PLD5: variants seen among roughly 807,000 people sequenced by gnomAD.
PLD5 encodes the protein inactive phospholipase D5.
A neutral mutation model predicts 61.1 loss-of-function variants in PLD5; 36 were observed. That is an observed-to-expected ratio of 0.59 (90% confidence interval 0.45 to 0.78). The LOEUF (loss-of-function observed/expected upper bound fraction) is 0.78, where lower values mean the gene tolerates loss of function less well. Among genes scored for constraint, PLD5 ranks in the 30% least tolerant of loss-of-function variants. The probability of loss-of-function intolerance (pLI) is 0.00; values close to 1 mark genes in which losing one functional copy is unlikely to be tolerated. For missense variants in PLD5, 515 were observed against 644.4 expected (o/e 0.80, Z 2.17); for synonymous variants, 243 against 242.8 (o/e 1.00, Z -0.01).
intron 1 of PLD5, among the ~76,000 whole-genome samples, chr1:242,375,861 A>AT (rs1206888068): frequency 3.9e-5 from 6 of 152,134 alleles, no homozygotes; most frequent in African/African-American, 1.4e-4. Flanking sequence ...GGCTGCATTG[A>AT]TAAGTCGGTG....
At chr1:242,132,801 A>G (rs946745256) in intron 5 of PLD5, among the ~76,000 whole-genome samples, 2 of 152,208 alleles carry the variant, frequency 1.3e-5, no homozygotes, top group African/African-American at 2.4e-5. Context: ...CAGAAGGAAC[A>G]TGACTAATTG....
At chr1:242,347,836 C>T (rs1203122497) in intron 2 of PLD5, among the ~76,000 whole-genome samples, 3 of 152,162 alleles carry the variant, frequency 2.0e-5, no homozygotes, top group African/African-American at 7.2e-5. Flanking sequence ...ACCTCATATA[C>T]AGTGGTCTCC....
intron 1 of PLD5, among the ~76,000 whole-genome samples, chr1:242,485,743 G>A (rs1667938217): frequency 6.6e-6 from 1 of 152,278 alleles, no homozygotes; most frequent in African/African-American, 2.4e-5. Flanking sequence ...CCAAAAAAGA[G>A]CTCGCATTGC....
In PLD5 at chr1:242,230,615, A is replaced by G. The variant is rs140718849; in HGVS notation, c.608-10500T>C. Among the ~76,000 whole-genome samples the G allele has an allele frequency of 3.9e-3, 588 of 152,350 alleles. 5 individuals are homozygous for G. The highest frequency in any genetic ancestry group is 7.6e-3 in the Admixed American group (116 of 15,306). On this transcript the variant is annotated intron_variant, in intron 4 of 9. Coordinates refer to ENST00000536534, the MANE Select transcript of PLD5 (RefSeq NM_001372062.1). The stretch of plus-strand genomic sequence containing the variant: ...GCTAGAAGACTAACGGGGAAACATG[A>G]AAGGGTGAAAATCTTCTGTCATGAC...
intron 1 of PLD5, among the ~76,000 whole-genome samples, chr1:242,380,352 G>A (rs1249465951): frequency 2.6e-5 from 4 of 152,082 alleles, no homozygotes; most frequent in South Asian, 2.1e-4. Context: ...TTTATGGCAC[G>A]ACAAGGTGTT....
intron 2 of PLD5, among the ~76,000 whole-genome samples, chr1:242,318,843 A>T (rs886252974): frequency 7.2e-5 from 11 of 152,122 alleles, no homozygotes; most frequent in Non-Finnish European, 5.9e-5. Context: ...AGGGGGAACA[A>T]GAAGAGAAAA....
intron 1 of PLD5, among the ~76,000 whole-genome samples, chr1:242,451,194 G>GC (rs1209117740): frequency 6.6e-6 from 1 of 152,138 alleles, no homozygotes; most frequent in Non-Finnish European, 1.5e-5. Context: ...CCCTACCGCA[G>GC]CATCAATGAA....
At chr1:242,492,374 T>C (rs1205008890) in intron 1 of PLD5, among the ~76,000 whole-genome samples, 1 of 151,574 alleles carries the variant, frequency 6.6e-6, no homozygotes, top group African/African-American at 2.4e-5. Flanking sequence ...TACTAAAAAT[T>C]AGCTGGGCAT....
At chr1:242,388,955 AAAAAT>A (rs1662762187) in intron 1 of PLD5, among the ~76,000 whole-genome samples, 1 of 152,138 alleles carries the variant, frequency 6.6e-6, no homozygotes, top group African/African-American at 2.4e-5. Flanking sequence ...CTCTGTCTCA[AAAAAT>A]AAAATAAAAC....
intron 5 of PLD5, among the ~76,000 whole-genome samples, chr1:242,168,437 T>A (rs2148867995): frequency 6.6e-6 from 1 of 152,312 alleles, no homozygotes; most frequent in Non-Finnish European, 1.5e-5. Flanking sequence ...GAGCTTTTCT[T>A]AAGTCCAAGT....
intron 4 of PLD5, among the ~76,000 whole-genome samples, chr1:242,241,014 G>T (rs1303648723): frequency 1.3e-5 from 2 of 152,144 alleles, no homozygotes; most frequent in Admixed American, 6.5e-5. Context: ...GATTGGCAGA[G>T]ATATTATTTT....
intron 1 of PLD5, among the ~76,000 whole-genome samples, chr1:242,523,417 G>A (rs372609426): frequency 2.6e-5 from 4 of 151,868 alleles, no homozygotes; most frequent in Non-Finnish European, 4.4e-5. Context: ...CGTGAAGTCG[G>A]CACTCCTTGG....
chr1:242,172,933 C>A (rs553240540), intron 5 of PLD5, among the ~76,000 whole-genome samples: 3 of 152,088 alleles, frequency 2.0e-5, no homozygotes, highest in African/African-American at 7.2e-5. Flanking sequence ...GGATTCACAG[C>A]CAAATTCTAC....
At position 242,513,853 on chromosome 1, in the gene PLD5, T is replaced by C. The variant is rs1271831088; in HGVS notation, c.189+10235A>G. Among the ~76,000 whole-genome samples, 3 of 152,228 alleles carry C rather than the reference T, an allele frequency of 2.0e-5. No individual in the cohort carries two copies. In the East Asian group the frequency reaches 5.8e-4, roughly 29 times the overall value. ...TCCGTGGCACTCAATAAACGTTTCC[T>C]GAATGAATGAGCTTGCTCAGACTCA... is the stretch of plus-strand genomic sequence containing the variant. On this transcript the variant is annotated intron_variant, in intron 1 of 9. Coordinates refer to ENST00000536534, the MANE Select transcript of PLD5 (RefSeq NM_001372062.1).
intron 2 of PLD5, among the ~76,000 whole-genome samples, chr1:242,330,385 A>C (rs1453428554): frequency 2.6e-5 from 4 of 152,168 alleles, no homozygotes; most frequent in South Asian, 2.1e-4. Context: ...TCACATCAGC[A>C]AATCTTGGCA....
chr1:242,340,922 C>T (rs1467069255), intron 2 of PLD5, among the ~76,000 whole-genome samples: 4 of 151,848 alleles, frequency 2.6e-5, no homozygotes, highest in Admixed American at 6.6e-5. Context: ...AGCTTAAGAA[C>T]GTTTCCTGCG....
At chr1:242,510,794 G>A (rs980749351) in intron 1 of PLD5, among the ~76,000 whole-genome samples, 9 of 151,816 alleles carry the variant, frequency 5.9e-5, no homozygotes, top group South Asian at 2.1e-4. Context: ...GCAGTGAGCC[G>A]AGATCGCGCC....
At position 242,500,205 on chromosome 1, in the gene PLD5, A is replaced by G. The variant is rs183779241; in HGVS notation, c.189+23883T>C. Among the ~76,000 whole-genome samples the G allele has an allele frequency of 2.3e-3, 353 of 152,346 alleles. 1 individual carries two copies. The highest frequency in any genetic ancestry group is 0.01 in the Middle Eastern group (3 of 294). ...GGATGGGGATCAAGAATCTGTGGCC[A>G]TGTTTAAAAACCACTGTGCTAAAAA... On this transcript the variant is annotated intron_variant, in intron 1 of 9. Transcript: ENST00000536534.
intron 3 of PLD5, among the ~76,000 whole-genome samples, chr1:242,285,957 A>C (rs1020499540): frequency 6.6e-6 from 1 of 151,946 alleles, no homozygotes; most frequent in Non-Finnish European, 1.5e-5. Flanking sequence ...AAAATATGAA[A>C]ACTTAGCTGA....
Sources: allele counts gnomAD v4.1 joint callset (sites outside exome capture counted in the v4.1 genomes callset), GRCh38; gene constraint gnomAD v4.1.1; transcripts MANE v1.5; gene names NCBI Gene and HGNC (gene_info 2026-07-23, HGNC 2026-07-21).